CHRM3: variants seen among roughly 807,000 people sequenced by gnomAD.
CHRM3 encodes the protein muscarinic acetylcholine receptor M3.
Under a neutral mutation model 41.8 loss-of-function variants are expected in CHRM3, and 11 were observed. That is an observed-to-expected ratio of 0.26 (90% confidence interval 0.17 to 0.44). CHRM3 has a LOEUF of 0.44. Among genes scored for constraint, CHRM3 ranks in the 20% least tolerant of loss-of-function variants. The probability of loss-of-function intolerance (pLI) is 1.00; values close to 1 mark genes in which losing one functional copy is unlikely to be tolerated. For missense variants in CHRM3, 571 were observed against 745.4 expected (o/e 0.77, Z 2.72); for synonymous variants, 297 against 301.4 (o/e 0.99, Z 0.15).
At chr1:239,822,154 G>T (rs1672106450) in intron 5 of CHRM3, among the ~76,000 whole-genome samples, 1 of 152,188 alleles carries the variant, frequency 6.6e-6, no homozygotes, top group African/African-American at 2.4e-5. Flanking sequence ...AGCATTAACA[G>T]AAATATTTCT....
chr1:239,621,035 A>T lies in CHRM3; in HGVS notation c.-312-11189A>T, dbSNP rs187087968. On this transcript the variant is annotated intron_variant, in intron 3 of 6. Coordinates refer to ENST00000676153, the MANE Select transcript of CHRM3 (RefSeq NM_001375978.1). ...GCAAATCCATTGGCAGCATTTTTCC[A>T]ACCCCAAGTGCTCACTTTGTGTCTG... Among the ~76,000 whole-genome samples the T allele has an allele frequency of 6.6e-5, 10 of 152,278 alleles. No homozygotes were observed. In the East Asian group the frequency reaches 1.7e-3, roughly 26 times the overall value.
intron 1 of CHRM3, among the ~76,000 whole-genome samples, chr1:239,454,397 T>C (rs1271068520): frequency 6.6e-6 from 1 of 151,824 alleles, no homozygotes; most frequent in African/African-American, 2.4e-5. Flanking sequence ...GAGGAAGGGG[T>C]GAGGAGTTTC....
intron 6 of CHRM3, among the ~76,000 whole-genome samples, chr1:239,874,316 T>TATAG (rs1558199337): frequency 4.4e-5 from 3 of 67,940 alleles, no homozygotes; most frequent in Non-Finnish European, 9.9e-5. Context: ...TATATATATA[T>TATAG]ATATATATAT....
chr1:239,694,214 A>G (rs976974826), intron 5 of CHRM3, among the ~76,000 whole-genome samples: 1 of 152,238 alleles, frequency 6.6e-6, no homozygotes, highest in African/African-American at 2.4e-5. Flanking sequence ...TTTTATTCAT[A>G]AAGAATTAGA....
At chr1:239,779,070 T>C (rs568590433) in intron 5 of CHRM3, among the ~76,000 whole-genome samples, 69 of 152,228 alleles carry the variant, frequency 4.5e-4, no homozygotes, top group Admixed American at 1.0e-3. Flanking sequence ...ATTTATAATA[T>C]TTTATATTCC....
At chr1:239,472,700 G>T (rs773848832) in intron 1 of CHRM3, among the ~76,000 whole-genome samples, 31 of 151,530 alleles carry the variant, frequency 2.0e-4, no homozygotes, top group Admixed American at 4.0e-4. Flanking sequence ...ACAGGGAGGG[G>T]GACAACACCC....
At chr1:239,491,143 G>A (rs534752798) in intron 1 of CHRM3, among the ~76,000 whole-genome samples, 16 of 152,176 alleles carry the variant, frequency 1.1e-4, no homozygotes, top group South Asian at 8.3e-4. Flanking sequence ...ACATCCATCC[G>A]TCCACATTAG....
intron 5 of CHRM3, among the ~76,000 whole-genome samples, chr1:239,728,068 T>C (rs550756426): frequency 5.3e-5 from 8 of 152,122 alleles, no homozygotes; most frequent in African/African-American, 1.9e-4. Context: ...TTTTTGCCCA[T>C]TGTTGTTAAA....
At chr1:239,899,321 G>A (rs1041838394) in intron 6 of CHRM3, among the ~76,000 whole-genome samples, 5 of 132,766 alleles carry the variant, frequency 3.8e-5, no homozygotes, top group Admixed American at 1.5e-4. Context: ...ATACACACAC[G>A]CATATATATC....
intron 5 of CHRM3, among the ~76,000 whole-genome samples, chr1:239,801,992 A>T (rs1452138389): frequency 1.3e-5 from 2 of 152,210 alleles, no homozygotes; most frequent in Non-Finnish European, 2.9e-5. Context: ...GATTAGCGAC[A>T]GTCCCAGTGG....
At chr1:239,511,423 A>T (rs559610933) in intron 2 of CHRM3, among the ~76,000 whole-genome samples, 1 of 152,358 alleles carries the variant, frequency 6.6e-6, no homozygotes, top group East Asian at 1.9e-4. Context: ...AACTGAAAGT[A>T]AATGTTCCTT....
chr1:239,765,486 T>C (rs1485142882), intron 5 of CHRM3, among the ~76,000 whole-genome samples: 1 of 152,224 alleles, frequency 6.6e-6, no homozygotes, highest in Non-Finnish European at 1.5e-5. Context: ...AGACTTTATT[T>C]TGACAGTCTG....
intron 3 of CHRM3, among the ~76,000 whole-genome samples, chr1:239,616,002 C>T (rs910580723): frequency 1.3e-5 from 2 of 152,064 alleles, no homozygotes; most frequent in Admixed American, 6.6e-5. Context: ...TTGCCTCTAT[C>T]GTTGTTTAAA....
At chr1:239,408,072 C>G (rs182466870) in intron 1 of CHRM3, 1 of 152,230 alleles carries the variant, frequency 6.6e-6, no homozygotes, top group East Asian at 1.9e-4. Flanking sequence ...TGAGAGGGAC[C>G]TGGTGGGAGG....
intron 5 of CHRM3, among the ~76,000 whole-genome samples, chr1:239,782,218 C>T (rs2148808579): frequency 6.9e-6 from 1 of 144,096 alleles, no homozygotes; most frequent in Non-Finnish European, 1.5e-5. Context: ...GTAGCATTTA[C>T]CAGTGAACCC....
At chr1:239,409,218 A>G (rs1197514075) in intron 1 of CHRM3, among the ~76,000 whole-genome samples, 3 of 152,090 alleles carry the variant, frequency 2.0e-5, no homozygotes, top group African/African-American at 7.2e-5. Flanking sequence ...GCTTGCTGGG[A>G]CTTAAGAAGA....
At chr1:239,713,018 G>A (rs951568939) in intron 5 of CHRM3, among the ~76,000 whole-genome samples, 5 of 152,114 alleles carry the variant, frequency 3.3e-5, no homozygotes, top group Admixed American at 6.6e-5. Context: ...AGAAGCCAGC[G>A]CCTAAAAAGG....
intron 6 of CHRM3, among the ~76,000 whole-genome samples, chr1:239,849,847 G>C (rs545026933): frequency 6.6e-6 from 1 of 152,144 alleles, no homozygotes; most frequent in Non-Finnish European, 1.5e-5. Context: ...TATTTAACTA[G>C]TTAACTGTAA....
chr1:239,581,611 T>C (rs1662905369), intron 3 of CHRM3, among the ~76,000 whole-genome samples: 1 of 152,194 alleles, frequency 6.6e-6, no homozygotes, highest in South Asian at 2.1e-4. Context: ...TCATTTACCT[T>C]GATTAACTCT....
Sources: gnomAD v4.1 joint callset for allele counts (sites outside exome capture counted in the v4.1 genomes callset) on GRCh38, gnomAD v4.1.1 for gene constraint, MANE v1.5 for transcripts, NCBI Gene and HGNC (gene_info 2026-07-23, HGNC 2026-07-21) for gene names.